Variants in ACSS2 observed in about 807,000 individuals in gnomAD.
ACSS2 encodes acyl-CoA synthetase short chain family member 2, also known as acetyl-coenzyme A synthetase, cytoplasmic.
In ACSS2, 58 loss-of-function variants were observed where a neutral mutation model predicts 90.6. That is an observed-to-expected ratio of 0.64 (90% CI 0.52 to 0.80). ACSS2 has a LOEUF of 0.80. ACSS2 is among the 30% of genes least tolerant of loss of function. The pLI is 0.00. For synonymous variants in ACSS2, 300 were observed against 330.9 expected (o/e 0.91, Z 1.01); for missense variants, 759 against 912.0 (o/e 0.83, Z 2.16).
chr20:34,880,231 TAGC>T (rs2080037656), intron 1 of ACSS2, among the ~76,000 whole-genome samples: 1 of 152,200 alleles, frequency 6.6e-6, no homozygotes. Context: ...ATAGTTGAGA[TAGC>T]AGAGAAAAGG....
rs766636356 is a variant in ACSS2 at position 34,921,843 on chromosome 20, G to C, written c.1525G>C (p.Glu509Gln). 1.9e-6 allele frequency: 3 copies of C among 1,613,950 alleles called. No individual in the cohort carries two copies. The South Asian group carries it at 3.3e-5, about 18-fold the overall frequency. The change falls in exon 13 of 18, where the codon GAA becomes CAA. Residue 509 changes from glutamate to glutamine, a missense_variant. Glu to Gln is a conservative substitution (Grantham distance 29, BLOSUM62 2). Transcript: ENST00000360596. ...AILNESGEEL[E>Q]GEAEGYLVFK... is the part of the protein sequence containing the mutation. ...CCTGAATGAGTCCGGGGAAGAGTTG[G>C]AAGGTGAAGCTGAAGGTTATCTGGT...
intron 1 of ACSS2, among the ~76,000 whole-genome samples, chr20:34,881,277 T>C (rs896203415): frequency 1.6e-4 from 24 of 151,562 alleles, no homozygotes; most frequent in Non-Finnish European, 3.2e-4. Flanking sequence ...TTTCAGGTGA[T>C]CCGCCCGCCT....
intron 16 of ACSS2, 96 bp downstream of exon 16, chr20:34,926,377 C>T: frequency 7.3e-7 from 1 of 1,369,338 alleles, no homozygotes; most frequent in South Asian, 1.4e-5. Context: ...AGCTGCTCCC[C>T]AAACCACAAA....
At chr20:34,884,594 CTAT>C (rs1043845931) in intron 2 of ACSS2, among the ~76,000 whole-genome samples, 3 of 152,160 alleles carry the variant, frequency 2.0e-5, no homozygotes, top group African/African-American at 7.2e-5. Flanking sequence ...TGTGAGTGGT[CTAT>C]TATTATACTA....
chr20:34,889,399 GGCGTGTGCC>G, intron 2 of ACSS2, among the ~76,000 whole-genome samples: 2 of 102,942 alleles, frequency 1.9e-5, no homozygotes, highest in Non-Finnish European at 4.7e-5. Flanking sequence ...TGGGATTACA[GGCGTGTGCC>G]ACTGCGCCTG....
chr20:34,910,773 T>C (rs549195788), intron 2 of ACSS2, among the ~76,000 whole-genome samples: 42 of 152,320 alleles, frequency 2.8e-4, no homozygotes, highest in South Asian at 1.2e-3. Context: ...TTGTATGTAT[T>C]ACTTATTCAA....
At chr20:34,917,896 G>T (rs1358384786) in intron 7 of ACSS2, among the ~76,000 whole-genome samples, 1 of 152,052 alleles carries the variant, frequency 6.6e-6, no homozygotes, top group African/African-American at 2.4e-5. Context: ...GGGATTACAG[G>T]TGTCTACCAC....
chr20:34,900,337 ATTTT>A (rs35829893), intron 2 of ACSS2, among the ~76,000 whole-genome samples: 1 of 142,022 alleles, frequency 7.0e-6, no homozygotes, highest in African/African-American at 2.6e-5. Context: ...GCCCGGCTAA[ATTTT>A]TTTTTTTTTT....
chr20:34,923,275 G>A (rs748834813), intron 13 of ACSS2, 48 bp from the exon 14 acceptor site: 4 of 1,331,826 alleles, frequency 3.0e-6, no homozygotes, highest in Middle Eastern at 1.8e-4. Flanking sequence ...TTATCTTCCA[G>A]TGAGACAGCA....
At chr20:34,914,968 A>C (rs1026099300) in intron 7 of ACSS2, among the ~76,000 whole-genome samples, 1 of 152,096 alleles carries the variant, frequency 6.6e-6, no homozygotes, top group African/African-American at 2.4e-5. Context: ...GTTGAGTAAG[A>C]GTCTGTGACT....
intron 2 of ACSS2, among the ~76,000 whole-genome samples, chr20:34,911,435 G>A (rs1373950177): frequency 1.3e-5 from 2 of 151,874 alleles, no homozygotes; most frequent in East Asian, 3.9e-4. Context: ...TGATCCACCT[G>A]CCTCGGCCTC....
intron 2 of ACSS2, among the ~76,000 whole-genome samples, chr20:34,898,403 G>T (rs1015213779): frequency 3.3e-5 from 5 of 152,166 alleles, no homozygotes; most frequent in Non-Finnish European, 7.3e-5. Flanking sequence ...TAGATACAGA[G>T]TGCCAACACA....
intron 2 of ACSS2, among the ~76,000 whole-genome samples, chr20:34,884,827 G>A (rs1331342680): frequency 6.6e-6 from 1 of 152,220 alleles, no homozygotes; most frequent in Non-Finnish European, 1.5e-5. Flanking sequence ...GGGAGGCTGA[G>A]GCAAGAGGGT....
rs749544092 is a variant in ACSS2, at chr20:34,925,684, G to C, written c.1658-14G>C. 1 of 1,610,632 alleles carries C rather than the reference G, an allele frequency of 6.2e-7. No individual in the cohort carries two copies. Among genetic ancestry groups the C allele is most frequent in the Admixed American group, 1.7e-5 (1 of 59,662 alleles). The stretch of plus-strand genomic sequence containing the variant: ...GTAGGGTTTTTATTTATTAGGTTTT[G>C]CATTTCTTCCCAGGCTGCCAGCGGG... On this transcript the variant is annotated splice_polypyrimidine_tract_variant and intron_variant, in intron 14 of 17. Transcript: ENST00000360596.
chr20:34,879,476 A>G (rs1358977583), intron 1 of ACSS2, among the ~76,000 whole-genome samples: 2 of 149,570 alleles, frequency 1.3e-5, no homozygotes, highest in Admixed American at 6.8e-5. Context: ...CTTAGAAACT[A>G]TGCCACTCAT....
At chr20:34,879,663 C>T (rs780549924) in intron 1 of ACSS2, among the ~76,000 whole-genome samples, 70 of 152,264 alleles carry the variant, frequency 4.6e-4, no homozygotes, top group Admixed American at 7.2e-4. Flanking sequence ...ACCCGGGAGA[C>T]GGAGATTGCA....
intron 2 of ACSS2, among the ~76,000 whole-genome samples, chr20:34,891,312 T>C (rs1042293807): frequency 3.9e-5 from 6 of 152,216 alleles, no homozygotes; most frequent in Admixed American, 2.0e-4. Flanking sequence ...GAACTACAGA[T>C]ACTCTGCAAG....
intron 2 of ACSS2, 29 bp downstream of exon 2, chr20:34,883,018 C>T (rs1294463662): frequency 8.5e-6 from 13 of 1,528,102 alleles, no homozygotes; most frequent in Non-Finnish European, 1.1e-5. Flanking sequence ...TACTTGGTGG[C>T]AGATAAAAAC....
intron 15 of ACSS2, 147 bp downstream of exon 15, chr20:34,925,913 A>T: frequency 9.3e-7 from 1 of 1,077,384 alleles, no homozygotes; most frequent in Non-Finnish European, 1.3e-6. Context: ...GTTTTAGAGG[A>T]GTAATGAACA....
Sources: gnomAD v4.1 joint callset for allele counts (sites outside exome capture counted in the v4.1 genomes callset) on GRCh38, gnomAD v4.1.1 for gene constraint, MANE v1.5 for transcripts, NCBI Gene and HGNC (gene_info 2026-07-23, HGNC 2026-07-21) for gene names.